SYNJ2BP: variants seen among roughly 807,000 people sequenced by gnomAD.
The protein encoded by SYNJ2BP is synaptojanin-2-binding protein.
In SYNJ2BP, 10 loss-of-function variants were observed where a neutral mutation model predicts 16.9. That is an observed-to-expected ratio of 0.59 (90% CI 0.36 to 1.00). SYNJ2BP has a LOEUF of 1.00. Among genes scored for constraint, SYNJ2BP ranks in the 50% least tolerant of loss-of-function variants. The pLI is 0.01. For missense variants in SYNJ2BP, 162 were observed against 186.7 expected, an observed-to-expected ratio of 0.87 and a Z score of 0.77; for synonymous variants, 54 against 68.4, an observed-to-expected ratio of 0.79 and a Z score of 1.04.
At chr14:70,411,001 A>G (rs1175032243) in intron 1 of SYNJ2BP, among the ~76,000 whole-genome samples, 2 of 152,200 alleles carry the variant, frequency 1.3e-5, no homozygotes, top group African/African-American at 4.8e-5. Flanking sequence ...CCCTGAACCT[A>G]AAATAATAGT....
chr14:70,404,863 C>T (rs1270052911), intron 1 of SYNJ2BP, among the ~76,000 whole-genome samples: 1 of 152,156 alleles, frequency 6.6e-6, no homozygotes, highest in African/African-American at 2.4e-5. Context: ...TAGCGGTTCA[C>T]GCCTGTAATT....
At chr14:70,401,544 T>A (rs1888237580) in intron 1 of SYNJ2BP, among the ~76,000 whole-genome samples, 1 of 138,438 alleles carries the variant, frequency 7.2e-6, no homozygotes, top group East Asian at 2.5e-4. Context: ...TTTTTTTCAG[T>A]CAATTGAGAC....
At chr14:70,393,963 A>AT (rs1194962937) in intron 1 of SYNJ2BP, among the ~76,000 whole-genome samples, 1 of 68,746 alleles carries the variant, frequency 1.5e-5, no homozygotes, top group African/African-American at 6.2e-5. Flanking sequence ...AGAACTTAAA[A>AT]TTAAAAAAAA....
chr14:70,391,362 G>A (rs1887977619), intron 1 of SYNJ2BP, among the ~76,000 whole-genome samples: 1 of 152,136 alleles, frequency 6.6e-6, no homozygotes, highest in African/African-American at 2.4e-5. Flanking sequence ...AAAAATAGTA[G>A]CTTAACTTAC....
chr14:70,395,163 G>A (rs1254723907), intron 1 of SYNJ2BP, among the ~76,000 whole-genome samples: 1 of 152,178 alleles, frequency 6.6e-6, no homozygotes, highest in Non-Finnish European at 1.5e-5. Context: ...CCACTATAGA[G>A]TTTTGTAACT....
chr14:70,416,758 TA>T, intron 1 of SYNJ2BP, 141 bp downstream of exon 1: 1 of 1,248,458 alleles, frequency 8.0e-7, no homozygotes. Context: ...ATATTTTCTC[TA>T]AGCACCCCGA....
At chr14:70,374,384 C>G (rs138963929) in intron 3 of SYNJ2BP, among the ~76,000 whole-genome samples, 197 of 152,260 alleles carry the variant, frequency 1.3e-3, no homozygotes, top group Admixed American at 2.3e-3. Context: ...GCCTTCTCTA[C>G]TTTTTTAGGA....
At chr14:70,393,606 G>C (rs1438698314) in intron 1 of SYNJ2BP, among the ~76,000 whole-genome samples, 1 of 152,154 alleles carries the variant, frequency 6.6e-6, no homozygotes, top group Non-Finnish European at 1.5e-5. Context: ...ATATATCATG[G>C]AATACTATGC....
At chr14:70,396,918 ATCTCCCATTCTGTGGGCTATCTTTAAC>A (rs1212514417) in intron 1 of SYNJ2BP, among the ~76,000 whole-genome samples, 1 of 152,182 alleles carries the variant, frequency 6.6e-6, no homozygotes, top group Non-Finnish European at 1.5e-5. Flanking sequence ...GGCAAATACT[ATCTCCCATTCTGTGGGCTATCTTTAAC>A]TCTCCTCATA....
chr14:70,414,588 T>G (rs1888562059), intron 1 of SYNJ2BP, among the ~76,000 whole-genome samples: 1 of 152,234 alleles, frequency 6.6e-6, no homozygotes, highest in African/African-American at 2.4e-5. Context: ...CCTGCTCTGC[T>G]TTAGACAGGA....
chr14:70,395,102 A>G (rs1364807416), intron 1 of SYNJ2BP, among the ~76,000 whole-genome samples: 1 of 152,226 alleles, frequency 6.6e-6, no homozygotes, highest in Non-Finnish European at 1.5e-5. Context: ...ATGCTGGGAT[A>G]ATGGTTGTAG....
chr14:70,396,758 C>G (rs1159142354), intron 1 of SYNJ2BP, among the ~76,000 whole-genome samples: 1 of 151,966 alleles, frequency 6.6e-6, no homozygotes, highest in Non-Finnish European at 1.5e-5. Context: ...TTTTCATGTG[C>G]TTATTGGCCA....
intron 2 of SYNJ2BP, among the ~76,000 whole-genome samples, chr14:70,384,383 G>A: frequency 6.6e-6 from 1 of 152,122 alleles, no homozygotes; most frequent in East Asian, 1.9e-4. Context: ...ACATAATTTA[G>A]CATCATTTTT....
chr14:70,399,971 G>A (rs1432963433), intron 1 of SYNJ2BP, among the ~76,000 whole-genome samples: 2 of 152,136 alleles, frequency 1.3e-5, no homozygotes, highest in Non-Finnish European at 2.9e-5. Context: ...ATCACTGGTT[G>A]GTTCACCCCT....
intron 1 of SYNJ2BP, among the ~76,000 whole-genome samples, chr14:70,400,375 C>A (rs939009323): frequency 5.3e-5 from 8 of 152,158 alleles, no homozygotes; most frequent in Non-Finnish European, 8.8e-5. Flanking sequence ...TTGGAACATA[C>A]ACAAGTATTA....
At chr14:70,373,465 T>A (rs1014918006) in intron 3 of SYNJ2BP, among the ~76,000 whole-genome samples, 1 of 152,190 alleles carries the variant, frequency 6.6e-6, no homozygotes, top group African/African-American at 2.4e-5. Flanking sequence ...ATAAAACCTA[T>A]GATCTTATAG....
chr14:70,405,549 T>C (rs1383553576), intron 1 of SYNJ2BP, among the ~76,000 whole-genome samples: 1 of 152,120 alleles, frequency 6.6e-6, no homozygotes, highest in East Asian at 1.9e-4. Context: ...AAAATCAAAA[T>C]TGAGCATTAA....
At chr14:70,401,439 G>C (rs1195110167) in intron 1 of SYNJ2BP, among the ~76,000 whole-genome samples, 1 of 150,630 alleles carries the variant, frequency 6.6e-6, no homozygotes, top group Middle Eastern at 3.2e-3. Context: ...AAGAAAAAAA[G>C]CTTAATTAAA....
intron 1 of SYNJ2BP, among the ~76,000 whole-genome samples, chr14:70,413,890 T>C (rs1363654679): frequency 6.6e-6 from 1 of 152,208 alleles, no homozygotes; most frequent in African/African-American, 2.4e-5. Flanking sequence ...TGATTAAACA[T>C]CAGGTTCCTG....
Sources: gnomAD v4.1 joint callset for allele counts (sites outside exome capture counted in the v4.1 genomes callset) on GRCh38, gnomAD v4.1.1 for gene constraint, MANE v1.5 for transcripts, NCBI Gene and HGNC (gene_info 2026-07-23, HGNC 2026-07-21) for gene names.